The following SLC41A2 variants were observed in gnomAD, a reference collection of about 807,000 sequenced individuals.
The protein encoded by SLC41A2 is solute carrier family 41 member 2, also known as SLC41A1-like 1.
Under a neutral mutation model 58.3 loss-of-function variants are expected in SLC41A2, and 32 were observed. The ratio of observed to expected loss-of-function variants is 0.55; its 90% CI spans 0.41 to 0.74. The LOEUF is 0.74. SLC41A2 is among the 30% of genes least tolerant of loss of function. SLC41A2 has a pLI of 0.00. For synonymous variants in SLC41A2, 190 were observed against 235.0 expected (o/e 0.81, Z 1.75); for missense variants, 514 against 680.6 (o/e 0.76, Z 2.72).
rs1371666806 is a variant in SLC41A2, at chr12:104,802,461, T to C, written c.*2691A>G. On this transcript the variant is annotated 3_prime_UTR_variant, in exon 11 of 11. Transcript: ENST00000258538. ...CTTTTATAATCGGCGAATTGGTGACTAATGTTTTTATTTTTTTCTCCTGTT... is the reference window on the plus strand; with the variant it reads ...CTTTTATAATCGGCGAATTGGTGACCAATGTTTTTATTTTTTTCTCCTGTT... 6.7e-6 allele frequency: 1 copy of C among 148,864 alleles called. No homozygotes were observed. The highest frequency in any genetic ancestry group is 6.6e-5 in the Admixed American group (1 of 15,162). The allele number at this position is 148,864 out of a possible 1,614,324, so 9.2% of individuals were successfully genotyped here.
intron 10 of SLC41A2, among the ~76,000 whole-genome samples, chr12:104,814,474 A>G (rs2041307785): frequency 6.6e-6 from 1 of 152,180 alleles, no homozygotes; most frequent in Non-Finnish European, 1.5e-5. Flanking sequence ...CAATCCCCGA[A>G]AGAAGAAAAC....
At chr12:104,879,094 G>C (rs1238356653) in intron 6 of SLC41A2, among the ~76,000 whole-genome samples, 1 of 152,202 alleles carries the variant, frequency 6.6e-6, no homozygotes, top group Non-Finnish European at 1.5e-5. Flanking sequence ...GTGTCTGTTG[G>C]CTGCATAAAT....
At position 104,802,648 on chromosome 12, in the gene SLC41A2, G is replaced by GTTCT. The variant is rs2040741039; in HGVS notation, c.*2500_*2503dup. On this transcript the variant is annotated 3_prime_UTR_variant, in exon 11 of 11. Transcript: ENST00000258538. The stretch of plus-strand genomic sequence containing the variant: ...GATAGATTTTACAAATTAAGGCATT[G>GTTCT]TTCTTTATTTCAAAATTTTCATTTA... The GTTCT allele has an allele frequency of 1.3e-5, 2 of 152,044 alleles. No individual in the cohort carries two copies. Among genetic ancestry groups the GTTCT allele is most frequent in the Non-Finnish European group, 2.9e-5 (2 of 67,978 alleles). The allele number at this position is 152,044 out of a possible 1,614,324, so 9.4% of individuals were successfully genotyped here.
At chr12:104,876,833 T>C (rs941018129) in intron 6 of SLC41A2, among the ~76,000 whole-genome samples, 6 of 152,240 alleles carry the variant, frequency 3.9e-5, no homozygotes, top group Non-Finnish European at 5.9e-5. Context: ...TGCTTCCTAA[T>C]TGATTTTCTG....
chr12:104,893,811 T>A (rs552796661), intron 4 of SLC41A2, among the ~76,000 whole-genome samples: 1 of 152,170 alleles, frequency 6.6e-6, no homozygotes, highest in South Asian at 2.1e-4. Flanking sequence ...TCAAAACAAT[T>A]GAACTCATGG....
chr12:104,890,080 T>C (rs1338448979), intron 4 of SLC41A2, among the ~76,000 whole-genome samples: 4 of 152,136 alleles, frequency 2.6e-5, no homozygotes. Context: ...GAGTTCTCTT[T>C]CTCTAGGCAA....
At chr12:104,919,520 A>G (rs538735625) in intron 2 of SLC41A2, among the ~76,000 whole-genome samples, 18 of 152,260 alleles carry the variant, frequency 1.2e-4, no homozygotes, top group African/African-American at 4.3e-4. Context: ...TGTTGTCACT[A>G]TGTTTTATTT....
At chr12:104,879,499 C>T (rs1369155494) in intron 6 of SLC41A2, among the ~76,000 whole-genome samples, 2 of 152,192 alleles carry the variant, frequency 1.3e-5, no homozygotes, top group Admixed American at 6.5e-5. Flanking sequence ...GATCCAGTTT[C>T]AGCTTTCTAC....
intron 1 of SLC41A2, among the ~76,000 whole-genome samples, chr12:104,957,885 G>C (rs987072500): frequency 1.9e-4 from 29 of 152,080 alleles, no homozygotes; most frequent in African/African-American, 6.8e-4. Context: ...GGCAGGCGCG[G>C]GGGCCTGGGC....
At chr12:104,927,167 C>A (rs1056501931) in intron 2 of SLC41A2, among the ~76,000 whole-genome samples, 2 of 151,984 alleles carry the variant, frequency 1.3e-5, no homozygotes, top group East Asian at 1.9e-4. Context: ...TTTTGGAATG[C>A]GACTTGACAG....
chr12:104,874,516 A>ACAT (rs2043955098), intron 6 of SLC41A2, among the ~76,000 whole-genome samples: 1 of 152,178 alleles, frequency 6.6e-6, no homozygotes, highest in African/African-American at 2.4e-5. Flanking sequence ...TTAGTTGTGT[A>ACAT]AGATAACTAT....
chr12:104,862,111 G>A (rs2043235995), intron 7 of SLC41A2, among the ~76,000 whole-genome samples: 1 of 152,124 alleles, frequency 6.6e-6, no homozygotes, highest in Non-Finnish European at 1.5e-5. Flanking sequence ...ATGGGATCCT[G>A]TGCCCAAATC....
chr12:104,935,734 A>G (rs1238827808), intron 1 of SLC41A2, among the ~76,000 whole-genome samples: 4 of 152,136 alleles, frequency 2.6e-5, no homozygotes, highest in Non-Finnish European at 5.9e-5. Context: ...TAAGATTACA[A>G]TGGAGCTCAA....
Position 104,928,265 on chromosome 12 carries a change from CTG to C in SLC41A2, c.261_262del (p.His87GlnfsTer11), listed in dbSNP as rs1260385901. 3.7e-6 allele frequency: 6 copies of C among 1,613,864 alleles called. No individual in the cohort carries two copies. Among genetic ancestry groups the C allele is most frequent in the Non-Finnish European group, 5.1e-6 (6 of 1,179,774 alleles). On this transcript the variant is annotated frameshift_variant, in exon 2 of 11. Transcript: ENST00000258538. LOFTEE classifies it high-confidence loss of function. ...GGCATGAAAAGACTGCTCTGAGAAA[CTG>C]TGATACTCCATGTGTTGCTCAGATC... is the stretch of plus-strand genomic sequence containing the variant.
chr12:104,922,726 A>C (rs527778836), intron 2 of SLC41A2, among the ~76,000 whole-genome samples: 2 of 152,284 alleles, frequency 1.3e-5, no homozygotes, highest in East Asian at 1.9e-4. Flanking sequence ...CAGAAGATAC[A>C]TTCTTTTCAT....
chr12:104,947,767 G>T (rs779315946), intron 1 of SLC41A2, among the ~76,000 whole-genome samples: 1 of 152,046 alleles, frequency 6.6e-6, no homozygotes, highest in African/African-American at 2.4e-5. Context: ...GACAATGAAA[G>T]TTGGATAAGG....
At chr12:104,865,357 A>C (rs1174027294) in intron 7 of SLC41A2, among the ~76,000 whole-genome samples, 1 of 152,112 alleles carries the variant, frequency 6.6e-6, no homozygotes, top group South Asian at 2.1e-4. Context: ...TTGAGAGGTT[A>C]TTCTTGTCTT....
intron 10 of SLC41A2, among the ~76,000 whole-genome samples, chr12:104,813,545 G>A (rs1471022875): frequency 6.6e-6 from 1 of 152,090 alleles, no homozygotes; most frequent in Non-Finnish European, 1.5e-5. Context: ...AAGGAGCTCT[G>A]GAGGACTATT....
intron 10 of SLC41A2, among the ~76,000 whole-genome samples, chr12:104,825,302 A>T (rs1054034562): frequency 1.3e-5 from 2 of 152,074 alleles, no homozygotes; most frequent in Non-Finnish European, 2.9e-5. Context: ...CAAAAGCCAA[A>T]CCCAACAGTC....
Sources: gnomAD v4.1 joint callset for allele counts (sites outside exome capture counted in the v4.1 genomes callset) on GRCh38, gnomAD v4.1.1 for gene constraint, MANE v1.5 for transcripts, NCBI Gene and HGNC (gene_info 2026-07-23, HGNC 2026-07-21) for gene names.